LTBP1: variants seen among roughly 807,000 people sequenced by gnomAD.
The protein encoded by LTBP1 is latent-transforming growth factor beta-binding protein 1.
A neutral mutation model predicts 207.6 loss-of-function variants in LTBP1; 129 were observed. The ratio of observed to expected loss-of-function variants is 0.62; its 90% CI spans 0.54 to 0.72. The LOEUF is 0.72. Among genes scored for constraint, LTBP1 ranks in the 30% least tolerant of loss-of-function variants. LTBP1 has a pLI of 0.00. For synonymous variants in LTBP1, 963 were observed against 833.7 expected, an observed-to-expected ratio of 1.16 and a Z score of -2.67; for missense variants, 2,281 against 2,217.2, an observed-to-expected ratio of 1.03 and a Z score of -0.58.
At chr2:33,055,394 C>CT (rs1312675845) in intron 3 of LTBP1, among the ~76,000 whole-genome samples, 1 of 152,256 alleles carries the variant, frequency 6.6e-6, no homozygotes, top group Non-Finnish European at 1.5e-5. Flanking sequence ...AATTCATGGG[C>CT]TTTTTTTCTA....
At chr2:33,357,511 C>G (rs2094878015) in intron 26 of LTBP1, among the ~76,000 whole-genome samples, 1 of 152,188 alleles carries the variant, frequency 6.6e-6, no homozygotes, top group Non-Finnish European at 1.5e-5. Context: ...CATTAGTTTT[C>G]TCTTCCGGGA....
At chr2:33,261,934 C>T (rs1250000032) in intron 13 of LTBP1, among the ~76,000 whole-genome samples, 1 of 152,164 alleles carries the variant, frequency 6.6e-6, no homozygotes, top group African/African-American at 2.4e-5. Flanking sequence ...TCGATGAGTA[C>T]TTGAATGTAG....
chr2:33,391,713 T>A (rs553112397), intron 32 of LTBP1, among the ~76,000 whole-genome samples: 1 of 152,224 alleles, frequency 6.6e-6, no homozygotes, highest in Non-Finnish European at 1.5e-5. Flanking sequence ...GAAGCCTCTA[T>A]GGCATTATAG....
intron 32 of LTBP1, among the ~76,000 whole-genome samples, chr2:33,394,657 G>A (rs370533715): frequency 2.6e-5 from 4 of 152,272 alleles, no homozygotes; most frequent in South Asian, 4.1e-4. Context: ...CCGTTCCATT[G>A]GTCTGTATCT....
chr2:33,233,100 GAA>G (rs1483752447), intron 9 of LTBP1, among the ~76,000 whole-genome samples: 1 of 152,056 alleles, frequency 6.6e-6, no homozygotes, highest in Non-Finnish European at 1.5e-5. Flanking sequence ...CCTCAAATTT[GAA>G]AAGTGTTCAC....
At chr2:33,208,100 A>G (rs2090014156) in intron 7 of LTBP1, among the ~76,000 whole-genome samples, 1 of 152,254 alleles carries the variant, frequency 6.6e-6, no homozygotes. Context: ...CCTCATCCAG[A>G]TTCATAGTAT....
intron 9 of LTBP1, among the ~76,000 whole-genome samples, chr2:33,234,163 T>C (rs978683960): frequency 1.3e-4 from 20 of 152,342 alleles, no homozygotes; most frequent in African/African-American, 4.8e-4. Context: ...TATCCATTGA[T>C]GTTTTTATTT....
chr2:33,004,001 C>A (rs982117402), intron 2 of LTBP1, among the ~76,000 whole-genome samples: 3 of 152,166 alleles, frequency 2.0e-5, no homozygotes, highest in Admixed American at 2.0e-4. Flanking sequence ...ACTTATATAG[C>A]CATCCTTATT....
At chr2:33,173,090 A>G (rs1460863408) in intron 5 of LTBP1, among the ~76,000 whole-genome samples, 1 of 152,244 alleles carries the variant, frequency 6.6e-6, no homozygotes, top group Admixed American at 6.5e-5. Context: ...TCTCAATTAA[A>G]AGAACTAGAA....
intron 10 of LTBP1, among the ~76,000 whole-genome samples, chr2:33,244,583 ATTT>A (rs1359626903): frequency 2.6e-5 from 4 of 152,306 alleles, no homozygotes; most frequent in Admixed American, 1.3e-4. Flanking sequence ...CAGATTTGAG[ATTT>A]TTAAGAATGT....
At chr2:33,106,739 G>T (rs936210969) in intron 3 of LTBP1, among the ~76,000 whole-genome samples, 2 of 152,062 alleles carry the variant, frequency 1.3e-5, no homozygotes, top group Non-Finnish European at 2.9e-5. Flanking sequence ...AGTAGATTTA[G>T]CATAATTCTC....
chr2:33,313,162 A>C (rs544723530), intron 23 of LTBP1, among the ~76,000 whole-genome samples: 1 of 152,254 alleles, frequency 6.6e-6, no homozygotes, highest in Non-Finnish European at 1.5e-5. Context: ...AAAATGATTC[A>C]TTGACCTTCC....
At chr2:33,158,517 C>T (rs1044543088) in intron 5 of LTBP1, among the ~76,000 whole-genome samples, 1 of 152,042 alleles carries the variant, frequency 6.6e-6, no homozygotes, top group African/African-American at 2.4e-5. Context: ...CCAGATGAAG[C>T]CAAATAGGGG....
chr2:33,139,960 C>T (rs1197424343), intron 5 of LTBP1, among the ~76,000 whole-genome samples: 1 of 152,200 alleles, frequency 6.6e-6, no homozygotes, highest in Admixed American at 6.5e-5. Context: ...TACTAAAGTT[C>T]TCTGAAAGAA....
intron 3 of LTBP1, among the ~76,000 whole-genome samples, chr2:33,071,735 TATC>T (rs1288153520): frequency 6.6e-6 from 1 of 152,208 alleles, no homozygotes; most frequent in Non-Finnish European, 1.5e-5. Flanking sequence ...CTTTGTGCCA[TATC>T]ATCACACGTG....
chr2:33,080,006 C>G (rs1477142828), intron 3 of LTBP1, among the ~76,000 whole-genome samples: 1 of 152,038 alleles, frequency 6.6e-6, no homozygotes, highest in African/African-American at 2.4e-5. Context: ...GTTAAGAAGG[C>G]AGAGACCACT....
intron 7 of LTBP1, among the ~76,000 whole-genome samples, chr2:33,192,184 A>C (rs113114004): frequency 0.032 from 4,838 of 152,306 alleles, 100 homozygotes; most frequent in Non-Finnish European, 0.049. Context: ...CTATTGCACA[A>C]ATATTAAGCC....
At chr2:33,265,769 A>G (rs1390091352) in intron 15 of LTBP1, among the ~76,000 whole-genome samples, 1 of 152,154 alleles carries the variant, frequency 6.6e-6, no homozygotes, top group Non-Finnish European at 1.5e-5. Flanking sequence ...TCTAAACTGA[A>G]CAGTTATTTT....
chr2:33,108,203 G>A (rs1005041073), intron 3 of LTBP1, among the ~76,000 whole-genome samples: 4 of 151,912 alleles, frequency 2.6e-5, no homozygotes, highest in African/African-American at 9.7e-5. Context: ...GGTCCTGTCC[G>A]TGGCCTTGCT....
Sources: allele counts gnomAD v4.1 joint callset (sites outside exome capture counted in the v4.1 genomes callset), GRCh38; gene constraint gnomAD v4.1.1; transcripts MANE v1.5; gene names NCBI Gene and HGNC (gene_info 2026-07-23, HGNC 2026-07-21).